The following CYP2C19 variants were observed in gnomAD, a reference collection of about 807,000 sequenced individuals.
CYP2C19 encodes the protein cytochrome P450 2C19.
In CYP2C19, 59 loss-of-function variants were observed where a neutral mutation model predicts 40.9. That is an observed-to-expected ratio of 1.44 (90% CI 1.17 to 1.79). The LOEUF is 1.79. CYP2C19 is among the 40% of genes most tolerant of loss of function. The pLI, the probability that CYP2C19 is intolerant of heterozygous loss-of-function variation, is 0.00. For synonymous variants in CYP2C19, 253 were observed against 208.7 expected (o/e 1.21, Z -1.83); for missense variants, 754 against 596.9 (o/e 1.26, Z -2.74).
At chr10:94,838,367 G>T (rs1264519626) in intron 6 of CYP2C19, among the ~76,000 whole-genome samples, 25 of 152,146 alleles carry the variant, frequency 1.6e-4, no homozygotes, top group Admixed American at 1.6e-3. Flanking sequence ...TCTCTCATTT[G>T]GGGTTAGTGT....
At chr10:94,798,734 C>A (rs1296129584) in intron 5 of CYP2C19, among the ~76,000 whole-genome samples, 12 of 151,308 alleles carry the variant, frequency 7.9e-5, no homozygotes. Flanking sequence ...ATCCCTTTAC[C>A]ATTATGTAAT....
chr10:94,783,677 C>T (rs1240101622), intron 5 of CYP2C19, among the ~76,000 whole-genome samples: 7 of 152,012 alleles, frequency 4.6e-5, no homozygotes, highest in African/African-American at 1.7e-4. Flanking sequence ...CTATAGTACA[C>T]CATCTTGAAG....
chr10:94,850,129 G>A lies in CYP2C19; in HGVS notation c.1291+71G>A, dbSNP rs1030760672. 13 of 1,546,698 alleles carry A rather than the reference G, an allele frequency of 8.4e-6. No homozygotes were observed. The Admixed American group carries it at 1.5e-4, about 18-fold the overall frequency. ...TTTTTTGATCAGTTGGAACTTACAT[G>A]TGCCTTCTCTGCAGTGGTACAGTTA... On this transcript the variant is annotated intron_variant, in intron 8 of 8. Coordinates refer to ENST00000371321, the MANE Select transcript of CYP2C19 (RefSeq NM_000769.4).
At chr10:94,789,454 C>T (rs1848580629) in intron 5 of CYP2C19, among the ~76,000 whole-genome samples, 1 of 152,028 alleles carries the variant, frequency 6.6e-6, no homozygotes, top group African/African-American at 2.4e-5. Context: ...CGTAGGTTTT[C>T]TTCTAGGGTT....
At chr10:94,762,935 A>C (rs1848193030) in intron 1 of CYP2C19, 62 bp downstream of exon 1, 2 of 1,483,084 alleles carry the variant, frequency 1.3e-6, no homozygotes, top group Admixed American at 1.7e-5. Flanking sequence ...TTTTTAAATA[A>C]AGTATATCCC....
intron 5 of CYP2C19, among the ~76,000 whole-genome samples, chr10:94,789,527 T>C (rs1848581143): frequency 6.6e-6 from 1 of 152,124 alleles, no homozygotes; most frequent in African/African-American, 2.4e-5. Context: ...TTGTATAACT[T>C]GTAAGAAAGG....
intron 6 of CYP2C19, among the ~76,000 whole-genome samples, chr10:94,827,327 C>A (rs1438337111): frequency 2.6e-5 from 4 of 152,000 alleles, no homozygotes; most frequent in Admixed American, 2.6e-4. Context: ...TTGATTATTG[C>A]CACAATTTCA....
Position 94,762,801 on chromosome 10 carries a change from C to T in CYP2C19, c.96C>T (p.Gly32=), listed in dbSNP as rs758671110. The part of the protein sequence containing the change: ...QSSGRGKLPP[G]PTPLPVIGNI... The stretch of plus-strand genomic sequence containing the variant: ...CTGGGAGAGGAAAACTCCCTCCTGG[C>T]CCCACTCCTCTCCCAGTGATTGGAA... Residue 32 remains glycine, a synonymous_variant, in exon 1 of 9, where the codon GGC becomes GGT. Coordinates refer to ENST00000371321, the MANE Select transcript of CYP2C19 (RefSeq NM_000769.4). The T allele has an allele frequency of 5.6e-6, 9 of 1,613,404 alleles. No individual in the cohort carries two copies. The highest frequency in any genetic ancestry group is 1.1e-5 in the South Asian group (1 of 91,050).
rs1016911850 is a variant in CYP2C19, at chr10:94,780,359, C to T, written c.482-140C>T. ...AAGTGATGTGTTGATTTTATGCATG[C>T]CAAACTCTTTTTTGCTTTTAAGGGA... On this transcript the variant is annotated intron_variant, in intron 3 of 8. Coordinates refer to ENST00000371321, the MANE Select transcript of CYP2C19 (RefSeq NM_000769.4). The T allele has an allele frequency of 3.9e-5, 43 of 1,090,356 alleles. 1 individual carries two copies. In the South Asian group the frequency reaches 5.4e-4, roughly 14 times the overall value. The allele number at this position is 1,090,356 out of a possible 1,614,324, so 67.5% of individuals were successfully genotyped here.
chr10:94,848,591 G>A lies in CYP2C19; in HGVS notation c.1150-1326G>A, dbSNP rs1330087767. ...TTTTTGGTTCCATATGAACTTTAAA[G>A]TAGTTTTTCCAATTCTGTGAAGAAA... is the stretch of plus-strand genomic sequence containing the variant. On this transcript the variant is annotated intron_variant, in intron 7 of 8. Coordinates refer to ENST00000371321, the MANE Select transcript of CYP2C19 (RefSeq NM_000769.4). Among the ~76,000 whole-genome samples the A allele has an allele frequency of 3.3e-5, 5 of 152,292 alleles. No homozygotes were observed. The East Asian group carries it at 5.8e-4, about 18-fold the overall frequency.
At chr10:94,831,520 C>A (rs901719278) in intron 6 of CYP2C19, among the ~76,000 whole-genome samples, 1 of 152,190 alleles carries the variant, frequency 6.6e-6, no homozygotes. Context: ...TTCCCACCAA[C>A]GTTGTACAAG....
intron 6 of CYP2C19, among the ~76,000 whole-genome samples, chr10:94,828,942 T>A (rs1401860836): frequency 6.6e-6 from 1 of 151,884 alleles, no homozygotes; most frequent in Non-Finnish European, 1.5e-5. Context: ...TGGCTGGATA[T>A]GAAATTCTGG....
chr10:94,810,943 C>T (rs1468307601), intron 5 of CYP2C19, among the ~76,000 whole-genome samples: 1 of 152,078 alleles, frequency 6.6e-6, no homozygotes, highest in Non-Finnish European at 1.5e-5. Flanking sequence ...TTTGTTTGCT[C>T]TTGGTTTTCT....
At chr10:94,775,612 T>A in intron 3 of CYP2C19, 73 bp downstream of exon 3, 1 of 1,611,396 alleles carries the variant, frequency 6.2e-7, no homozygotes, top group Non-Finnish European at 8.5e-7. Flanking sequence ...TGGAAACATT[T>A]CAGGGGTGGC....
Position 94,808,216 on chromosome 10 carries a change from G to A in CYP2C19, c.820-12280G>A, listed in dbSNP as rs1848862121. The stretch of plus-strand genomic sequence containing the variant: ...TTCTGTGTTCTCTGTTCTCTTCCAT[G>A]GGTCCATGTGTCTGCTTTTAGGCCA... On this transcript the variant is annotated intron_variant, in intron 5 of 8. Coordinates refer to ENST00000371321, the MANE Select transcript of CYP2C19 (RefSeq NM_000769.4). Among the ~76,000 whole-genome samples, 6 of 152,072 alleles carry A rather than the reference G, an allele frequency of 3.9e-5. No homozygotes were observed. The South Asian group carries it at 1.2e-3, about 32-fold the overall frequency.
chr10:94,832,120 A>G (rs1030441099), intron 6 of CYP2C19, among the ~76,000 whole-genome samples: 10 of 152,188 alleles, frequency 6.6e-5, no homozygotes, highest in African/African-American at 2.4e-4. Flanking sequence ...CCCTCTGTGT[A>G]GGATATTAAA....
chr10:94,828,803 G>A (rs1020224130), intron 6 of CYP2C19, among the ~76,000 whole-genome samples: 24 of 152,184 alleles, frequency 1.6e-4, no homozygotes, highest in Admixed American at 2.6e-4. Context: ...GGCTGGTACC[G>A]GTTGTTCCTT....
In CYP2C19 at chr10:94,849,936, C is replaced by T. The variant is rs1196078753; in HGVS notation, c.1169C>T (p.Ser390Phe). The T allele has an allele frequency of 6.2e-7, 1 of 1,613,732 alleles. No homozygotes were observed. The highest frequency in any genetic ancestry group is 1.3e-5 in the African/African-American group (1 of 74,998). The change falls in exon 8 of 9, where the codon TCC becomes TTC. Residue 390 changes from serine (S) to phenylalanine (F), a missense_variant. Ser to Phe is a radical substitution (Grantham distance 155, BLOSUM62 -2). Transcript: ENST00000371321. ...LIPKGTTILT[S>F]LTSVLHDNKE... Reference sequence around the variant, plus strand: ...TTCTAGGGCACAACCATATTAACTTCCCTCACTTCTGTGCTACATGACAAC... The same window carrying T: ...TTCTAGGGCACAACCATATTAACTTTCCTCACTTCTGTGCTACATGACAAC...
intron 5 of CYP2C19, among the ~76,000 whole-genome samples, chr10:94,795,301 G>C (rs1848667753): frequency 6.6e-6 from 1 of 151,762 alleles, no homozygotes; most frequent in South Asian, 2.1e-4. Context: ...ATGGTTTCCA[G>C]CTTCATCCAT....
Sources: allele counts gnomAD v4.1 joint callset (sites outside exome capture counted in the v4.1 genomes callset), GRCh38; gene constraint gnomAD v4.1.1; transcripts MANE v1.5; gene names NCBI Gene and HGNC (gene_info 2026-07-23, HGNC 2026-07-21).